The following SGCZ variants were observed in gnomAD, a reference collection of about 807,000 sequenced individuals.
The protein encoded by SGCZ is zeta-sarcoglycan.
In SGCZ, 40 loss-of-function variants were observed where a neutral mutation model predicts 41.3. That is an observed-to-expected ratio of 0.97 (90% CI 0.75 to 1.26). The LOEUF is 1.26. Among genes scored for constraint, SGCZ ranks in the 50% most tolerant of loss-of-function variants. The pLI is 0.00. For synonymous variants in SGCZ, 206 were observed against 137.5 expected (o/e 1.50, Z -3.49); for missense variants, 552 against 369.8 (o/e 1.49, Z -4.04).
intron 1 of SGCZ, among the ~76,000 whole-genome samples, chr8:14,889,153 C>T (rs1804916709): frequency 6.6e-6 from 1 of 152,058 alleles, no homozygotes; most frequent in African/African-American, 2.4e-5. Flanking sequence ...CCTACCACCT[C>T]TGATTCAGTG....
chr8:14,926,023 A>G (rs1345364229), intron 1 of SGCZ, among the ~76,000 whole-genome samples: 1 of 152,196 alleles, frequency 6.6e-6, no homozygotes, highest in Non-Finnish European at 1.5e-5. Flanking sequence ...GTGAGTCTTA[A>G]AGTTAACTAT....
At chr8:14,561,345 G>T (rs574154818) in intron 1 of SGCZ, among the ~76,000 whole-genome samples, 15 of 152,204 alleles carry the variant, frequency 9.9e-5, no homozygotes, top group African/African-American at 3.6e-4. Context: ...TGCTGCAATT[G>T]CAGAGGTACT....
chr8:14,523,478 A>C lies in SGCZ; in HGVS notation c.234+31254T>G, dbSNP rs1041969826. Among the ~76,000 whole-genome samples, 5 of 152,200 alleles carry C rather than the reference A, an allele frequency of 3.3e-5. 1 individual carries two copies. Among genetic ancestry groups the C allele is most frequent in the Admixed American group, 3.3e-4 (5 of 15,270 alleles). ...TTCTTCTTTATTCCTCAGAAATGTAAAAATACTATACCACTTTCTCCTGGT... is the reference window on the plus strand; with the variant it reads ...TTCTTCTTTATTCCTCAGAAATGTACAAATACTATACCACTTTCTCCTGGT... On this transcript the variant is annotated intron_variant, in intron 2 of 7. Transcript: ENST00000382080.
At chr8:14,942,588 T>C (rs1471880730) in intron 1 of SGCZ, among the ~76,000 whole-genome samples, 3 of 152,126 alleles carry the variant, frequency 2.0e-5, no homozygotes, top group African/African-American at 4.8e-5. Flanking sequence ...GACTGTTCAT[T>C]GGAAAAAAAC....
intron 1 of SGCZ, among the ~76,000 whole-genome samples, chr8:15,004,885 T>C (rs1802546837): frequency 6.6e-6 from 1 of 152,260 alleles, no homozygotes; most frequent in Admixed American, 6.5e-5. Flanking sequence ...CTTTGTGTGC[T>C]GTTCAAATAC....
At chr8:14,596,270 A>C (rs1022857617) in intron 1 of SGCZ, among the ~76,000 whole-genome samples, 11 of 152,250 alleles carry the variant, frequency 7.2e-5, no homozygotes, top group Non-Finnish European at 1.2e-4. Context: ...CAAAACTAGA[A>C]GGTTGTGCAC....
Position 14,267,234 on chromosome 8 carries a change from G to T in SGCZ, c.337-29555C>A, listed in dbSNP as rs539508895. Among the ~76,000 whole-genome samples the T allele has an allele frequency of 8.5e-5, 13 of 152,084 alleles. No individual in the cohort carries two copies. The South Asian group carries it at 2.7e-3, about 32-fold the overall frequency. The stretch of plus-strand genomic sequence containing the variant: ...ATACTGGGGTATGTATATCCATCAA[G>T]TGACAGTTTTAATACTGAACAAGTA... On this transcript the variant is annotated intron_variant, in intron 3 of 7. Coordinates refer to ENST00000382080, the MANE Select transcript of SGCZ (RefSeq NM_139167.4).
intron 1 of SGCZ, among the ~76,000 whole-genome samples, chr8:15,168,333 G>A (rs9886582): frequency 0.23 from 34,337 of 152,110 alleles, 4,795 homozygotes; most frequent in East Asian, 0.68. Flanking sequence ...TGTTTCATGG[G>A]TAAAGACCAA....
intron 1 of SGCZ, among the ~76,000 whole-genome samples, chr8:14,724,171 G>C (rs1316891281): frequency 2.0e-5 from 3 of 152,000 alleles, no homozygotes; most frequent in African/African-American, 7.2e-5. Flanking sequence ...GAGAACAAAG[G>C]CTTTCCAGTA....
At chr8:14,771,744 C>T (rs1342809935) in intron 1 of SGCZ, among the ~76,000 whole-genome samples, 1 of 152,058 alleles carries the variant, frequency 6.6e-6, no homozygotes, top group Non-Finnish European at 1.5e-5. Context: ...TTATGTTTCA[C>T]ATTCCATTTA....
At chr8:14,253,463 T>C (rs1799355991) in intron 3 of SGCZ, among the ~76,000 whole-genome samples, 2 of 152,178 alleles carry the variant, frequency 1.3e-5, no homozygotes, top group Non-Finnish European at 2.9e-5. Flanking sequence ...TTGACATGTA[T>C]ATGAAACAAG....
chr8:15,176,454 G>C (rs930304942), intron 1 of SGCZ, among the ~76,000 whole-genome samples: 1 of 152,112 alleles, frequency 6.6e-6, no homozygotes, highest in Non-Finnish European at 1.5e-5. Context: ...GACTTTCTAT[G>C]TTTAGAAAGC....
intron 1 of SGCZ, among the ~76,000 whole-genome samples, chr8:15,080,437 C>T (rs1234875472): frequency 6.6e-6 from 1 of 151,990 alleles, no homozygotes; most frequent in Non-Finnish European, 1.5e-5. Flanking sequence ...TGGTAGTGTG[C>T]GTTAGGGACT....
intron 4 of SGCZ, among the ~76,000 whole-genome samples, chr8:14,202,512 A>C (rs926251989): frequency 6.6e-5 from 10 of 152,120 alleles, no homozygotes; most frequent in Admixed American, 1.3e-4. Context: ...AAAATGAGAA[A>C]ACTATTCATA....
intron 2 of SGCZ, among the ~76,000 whole-genome samples, chr8:14,544,360 G>C (rs1375930124): frequency 1.3e-5 from 2 of 152,024 alleles, no homozygotes; most frequent in African/African-American, 2.4e-5. Context: ...AGTGCACCTT[G>C]AAAAATAACA....
At chr8:14,951,812 TA>T (rs1203081491) in intron 1 of SGCZ, among the ~76,000 whole-genome samples, 1 of 152,080 alleles carries the variant, frequency 6.6e-6, no homozygotes, top group African/African-American at 2.4e-5. Flanking sequence ...ATTAAACCCA[TA>T]AATTAGTCAT....
intron 2 of SGCZ, among the ~76,000 whole-genome samples, chr8:14,448,784 C>T (rs1585528503): frequency 2.0e-5 from 3 of 152,144 alleles, no homozygotes; most frequent in Non-Finnish European, 4.4e-5. Flanking sequence ...CTCAGTTCAA[C>T]GTCTGCCCTA....
chr8:14,271,627 C>T (rs557423507), intron 3 of SGCZ, among the ~76,000 whole-genome samples: 1 of 152,212 alleles, frequency 6.6e-6, no homozygotes, highest in South Asian at 2.1e-4. Context: ...TATGCTTGTC[C>T]AATATATAGA....
At chr8:14,177,958 C>CTTTTCTTTTTCT (rs767919994) in intron 4 of SGCZ, among the ~76,000 whole-genome samples, 1 of 95,050 alleles carries the variant, frequency 1.1e-5, no homozygotes, top group Non-Finnish European at 2.1e-5. Flanking sequence ...CTTTTTTTTT[C>CTTTTCTTTTTCT]TTTTTTTTTT....
Sources: gnomAD v4.1 joint callset for allele counts (sites outside exome capture counted in the v4.1 genomes callset) on GRCh38, gnomAD v4.1.1 for gene constraint, MANE v1.5 for transcripts, NCBI Gene and HGNC (gene_info 2026-07-23, HGNC 2026-07-21) for gene names.